ZBTB20: variants seen among roughly 807,000 people sequenced by gnomAD.
ZBTB20 encodes the protein zinc finger and BTB domain-containing protein 20.
ZBTB20 carries 9 observed loss-of-function variants against 56.9 expected under a neutral mutation model. That is an observed-to-expected ratio of 0.16 (90% CI 0.10 to 0.28). ZBTB20 has a LOEUF of 0.28. ZBTB20 is among the 10% of genes least tolerant of loss of function. The pLI is 1.00. For missense variants in ZBTB20, 655 were observed against 1,003.0 expected (o/e 0.65, Z 4.69); for synonymous variants, 417 against 420.7 (o/e 0.99, Z 0.11).
intron 2 of ZBTB20, among the ~76,000 whole-genome samples, chr3:115,005,281 C>T (rs1490887514): frequency 6.6e-6 from 1 of 151,334 alleles, no homozygotes; most frequent in Non-Finnish European, 1.5e-5. Flanking sequence ...TACATTTTAT[C>T]TGTATTTGTA....
intron 7 of ZBTB20, among the ~76,000 whole-genome samples, chr3:114,460,344 C>CGG (rs2092274107): frequency 6.6e-6 from 1 of 152,040 alleles, no homozygotes; most frequent in African/African-American, 2.4e-5. Context: ...TGAATGTTAC[C>CGG]TTACGTGGCA....
At position 114,331,114 on chromosome 3, in the gene ZBTB20, T is replaced by C. The variant is rs1252948763; in HGVS notation, c.*7891A>G. On this transcript the variant is annotated 3_prime_UTR_variant, in exon 12 of 12. Transcript: ENST00000675478. ...TTTGAGAATAAAATTTATGTGTGTG[T>C]GTGTGTGTGTGTGTGTGTGTGTGCA... The C allele has an allele frequency of 2.9e-5, 4 of 139,916 alleles. No individual in the cohort carries two copies. Among genetic ancestry groups the C allele is most frequent in the African/African-American group, 1.0e-4 (4 of 38,226 alleles). The allele number at this position is 139,916 out of a possible 1,614,324, so 8.7% of individuals were successfully genotyped here. A position where few individuals can be genotyped will look rare whatever the true frequency, so the allele number is the denominator to read the frequency against.
At chr3:114,631,878 C>A (rs1014094795) in intron 6 of ZBTB20, among the ~76,000 whole-genome samples, 1 of 152,092 alleles carries the variant, frequency 6.6e-6, no homozygotes, top group African/African-American at 2.4e-5. Flanking sequence ...TTCCAAAATA[C>A]CTCCCCTACT....
At chr3:114,635,515 G>A (rs550020896) in intron 6 of ZBTB20, among the ~76,000 whole-genome samples, 2 of 152,032 alleles carry the variant, frequency 1.3e-5, no homozygotes, top group Non-Finnish European at 2.9e-5. Context: ...GAAGCCCAGT[G>A]AGTTACAAGA....
Position 114,351,078 on chromosome 3 carries a change from C to G in ZBTB20, c.1000G>C (p.Glu334Gln), listed in dbSNP as rs897160822. Residue 334 changes from glutamate (E) to glutamine (Q), a missense_variant, in exon 11 of 12, where the codon GAG becomes CAG. By Grantham distance (29) the Glu-to-Gln change is conservative. This residue lies in a region of ZBTB20 where 167 missense variants were observed against 281.9 expected (regional missense o/e 0.59). Coordinates refer to ENST00000675478, the MANE Select transcript of ZBTB20 (RefSeq NM_001348800.3). ...TGCCCGTAGTAGTCGTAATCGTCCT[C>G]CATCTCCTGCTTGATGTGGATGTTG... ...VGNIHIKQEMEDDYDYYGQQR... is the reference protein window; with the variant it reads ...VGNIHIKQEMQDDYDYYGQQR... 1.2e-6 allele frequency: 2 copies of G among 1,610,812 alleles called. No individual in the cohort carries two copies. Among genetic ancestry groups the G allele is most frequent in the African/African-American group, 2.7e-5 (2 of 74,480 alleles).
At chr3:114,348,274 C>T (rs1185642978) in intron 11 of ZBTB20, among the ~76,000 whole-genome samples, 1 of 152,140 alleles carries the variant, frequency 6.6e-6, no homozygotes, top group Non-Finnish European at 1.5e-5. Context: ...ACAGATGGTC[C>T]TTCCTGCACC....
chr3:115,092,626 G>T (rs1361704855), intron 1 of ZBTB20, among the ~76,000 whole-genome samples: 1 of 152,074 alleles, frequency 6.6e-6, no homozygotes, highest in Non-Finnish European at 1.5e-5. Context: ...GCTTGCTATT[G>T]GCAAGGCAGT....
chr3:114,901,110 A>G (rs1280352517), intron 3 of ZBTB20, among the ~76,000 whole-genome samples: 2 of 152,050 alleles, frequency 1.3e-5, no homozygotes, highest in Non-Finnish European at 2.9e-5. Context: ...TCTTAAAAAT[A>G]TTTCCTAGTT....
intron 1 of ZBTB20, among the ~76,000 whole-genome samples, chr3:115,092,332 G>A (rs2083228794): frequency 6.6e-6 from 1 of 151,984 alleles, no homozygotes; most frequent in African/African-American, 2.4e-5. Context: ...GCACTGTCGT[G>A]CTGACATTCA....
chr3:114,851,253 A>G (rs1229013808), intron 4 of ZBTB20, among the ~76,000 whole-genome samples: 1 of 152,236 alleles, frequency 6.6e-6, no homozygotes, highest in Non-Finnish European at 1.5e-5. Flanking sequence ...TTTAAGAGGT[A>G]AGAAGAAATA....
At chr3:115,033,823 T>C (rs1346440471) in intron 2 of ZBTB20, among the ~76,000 whole-genome samples, 1 of 151,816 alleles carries the variant, frequency 6.6e-6, no homozygotes, top group African/African-American at 2.4e-5. Flanking sequence ...CAATATCTCT[T>C]ATGAGCATTG....
In ZBTB20 at chr3:114,380,275, G is replaced by T; in HGVS notation, c.141C>A (p.Ala47=). 6.5e-7 allele frequency: 1 copy of T among 1,537,142 alleles called. No homozygotes were observed. The highest frequency in any genetic ancestry group is 8.7e-7 in the Non-Finnish European group (1 of 1,146,876). ...NFEAVLSPDP[A]LIHSTHSLTN... is the part of the protein sequence containing the mutation. ...TCAGTGAATGTGTTGAGTGGATGAG[G>T]GCTGGGTCTGGAGACAAAACAGCTT... The change falls in exon 10 of 12, where the codon GCC becomes GCA. Residue 47 remains alanine (A), a synonymous_variant. Coordinates refer to ENST00000675478, the MANE Select transcript of ZBTB20 (RefSeq NM_001348800.3).
chr3:114,436,615 A>C (rs1436969771), intron 7 of ZBTB20, among the ~76,000 whole-genome samples: 1 of 152,208 alleles, frequency 6.6e-6, no homozygotes, highest in Non-Finnish European at 1.5e-5. Context: ...TTCATACAAA[A>C]AAAGTAATAT....
chr3:114,818,747 C>G (rs1316002317), intron 4 of ZBTB20, among the ~76,000 whole-genome samples: 2 of 151,516 alleles, frequency 1.3e-5, no homozygotes, highest in Non-Finnish European at 3.0e-5. Flanking sequence ...TGAAAAAAAA[C>G]TAGAGATAAT....
chr3:115,011,952 C>T (rs140731772), intron 2 of ZBTB20, among the ~76,000 whole-genome samples: 2,323 of 151,818 alleles, frequency 0.015, 33 homozygotes, highest in South Asian at 0.05. Context: ...TTCTATTTGC[C>T]TGTTTGTTTG....
chr3:114,959,047 C>T (rs2077349551), intron 3 of ZBTB20, among the ~76,000 whole-genome samples: 1 of 151,968 alleles, frequency 6.6e-6, no homozygotes, highest in Non-Finnish European at 1.5e-5. Flanking sequence ...AATTAAAATT[C>T]ACAAATACTC....
intron 7 of ZBTB20, among the ~76,000 whole-genome samples, chr3:114,408,214 T>C (rs2087534380): frequency 6.6e-6 from 1 of 152,214 alleles, no homozygotes; most frequent in Non-Finnish European, 1.5e-5. Context: ...AAAAATACTA[T>C]GTAAGTACTG....
intron 5 of ZBTB20, among the ~76,000 whole-genome samples, chr3:114,711,902 T>C (rs2064112541): frequency 6.6e-6 from 1 of 152,242 alleles, no homozygotes; most frequent in South Asian, 2.1e-4. Flanking sequence ...CGATGCGCTA[T>C]ATAAAATTCA....
intron 1 of ZBTB20, among the ~76,000 whole-genome samples, chr3:115,132,402 C>T (rs1240134952): frequency 2.0e-5 from 3 of 151,998 alleles, no homozygotes; most frequent in Non-Finnish European, 4.4e-5. Flanking sequence ...ATTTTTCTTA[C>T]TCATTTTTCT....
Sources: gnomAD v4.1 joint callset for allele counts (sites outside exome capture counted in the v4.1 genomes callset) on GRCh38, gnomAD v4.1.1 for gene constraint, gnomAD v4.1.1 regional missense constraint, MANE v1.5 for transcripts, NCBI Gene and HGNC (gene_info 2026-07-23, HGNC 2026-07-21) for gene names.